The following LRRC28 variants were observed in gnomAD, a reference collection of about 807,000 sequenced individuals.
The protein encoded by LRRC28 is leucine-rich repeat-containing protein 28.
Under a neutral mutation model 45.7 loss-of-function variants are expected in LRRC28, and 39 were observed. That is an observed-to-expected ratio of 0.85 (90% CI 0.66 to 1.12). The LOEUF is 1.12. LRRC28 is among the 50% of genes most tolerant of loss of function. LRRC28 has a pLI of 0.00. For missense variants in LRRC28, 435 were observed against 438.5 expected (o/e 0.99, Z 0.07); for synonymous variants, 206 against 178.8 (o/e 1.15, Z -1.22).
At chr15:99,358,601 C>T (rs1287675824) in intron 7 of LRRC28, among the ~76,000 whole-genome samples, 2 of 151,956 alleles carry the variant, frequency 1.3e-5, no homozygotes, top group Non-Finnish European at 2.9e-5. Context: ...CTGAAACAGA[C>T]TAAAGACTCC....
At chr15:99,256,738 A>T (rs1027163464) in intron 2 of LRRC28, among the ~76,000 whole-genome samples, 1 of 152,240 alleles carries the variant, frequency 6.6e-6, no homozygotes, top group East Asian at 1.9e-4. Context: ...ATGTTCTAAG[A>T]ATAAGCACGT....
intron 9 of LRRC28, among the ~76,000 whole-genome samples, chr15:99,367,288 C>T (rs772258143): frequency 6.6e-6 from 1 of 152,178 alleles, no homozygotes; most frequent in Non-Finnish European, 1.5e-5. Context: ...TCTGCTATGA[C>T]AGAGTAATTG....
chr15:99,284,549 G>T, intron 3 of LRRC28: 1 of 458,126 alleles, frequency 2.2e-6, no homozygotes, highest in Non-Finnish European at 4.4e-6. Context: ...TCACAAAACT[G>T]TTGTAACCTG....
chr15:99,384,084 G>A (rs1957911735), intron 9 of LRRC28, among the ~76,000 whole-genome samples: 1 of 152,194 alleles, frequency 6.6e-6, no homozygotes, highest in African/African-American at 2.4e-5. Context: ...GCGTGTATGT[G>A]ATTTCCTCCA....
chr15:99,355,462 G>C (rs1374739970), intron 7 of LRRC28: 3 of 152,198 alleles, frequency 2.0e-5, no homozygotes, highest in Non-Finnish European at 4.4e-5. Flanking sequence ...TAGGAGCGAG[G>C]ACCATTGGGG....
intron 5 of LRRC28, among the ~76,000 whole-genome samples, chr15:99,332,509 C>G (rs952028844): frequency 6.6e-6 from 1 of 152,164 alleles, no homozygotes; most frequent in African/African-American, 2.4e-5. Context: ...AACAAAAAGT[C>G]TATAGCAAAG....
chr15:99,386,485 C>T lies in LRRC28; in HGVS notation c.*383C>T, dbSNP rs375534101. On this transcript the variant is annotated 3_prime_UTR_variant, in exon 10 of 10. Coordinates refer to ENST00000301981, the MANE Select transcript of LRRC28 (RefSeq NM_144598.5). ...AGTGATGCTTCCTCTCCTCTCCCCT[C>T]CCTTGCTTTCCCCAGAGAGTTATTT... 0.03 allele frequency: 4,536 copies of T among 152,682 alleles called. 82 individuals carry two copies. The highest frequency in any genetic ancestry group is 0.046 in the Non-Finnish European group (3,307 of 71,462). The allele number at this position is 152,682 out of a possible 1,614,324, so 9.5% of individuals were successfully genotyped here. A position where few individuals can be genotyped will look rare whatever the true frequency, so the allele number is the denominator to read the frequency against.
chr15:99,330,379 C>T (rs1335699477), intron 5 of LRRC28, among the ~76,000 whole-genome samples: 4 of 152,022 alleles, frequency 2.6e-5, no homozygotes, highest in African/African-American at 9.7e-5. Context: ...CTTTCCCTTC[C>T]AGTTCTGTCA....
chr15:99,269,104 G>C (rs948227971), intron 2 of LRRC28, among the ~76,000 whole-genome samples: 8 of 151,930 alleles, frequency 5.3e-5, no homozygotes, highest in African/African-American at 1.9e-4. Context: ...CATTCTGTAA[G>C]TTTTTGCTAA....
chr15:99,374,041 T>C (rs146285684), intron 9 of LRRC28, among the ~76,000 whole-genome samples: 205 of 152,262 alleles, frequency 1.3e-3, no homozygotes, highest in African/African-American at 4.0e-3. Context: ...GTGATACTTC[T>C]ACTTTGCTTT....
At chr15:99,345,495 C>G (rs1956651304) in intron 6 of LRRC28, among the ~76,000 whole-genome samples, 1 of 152,080 alleles carries the variant, frequency 6.6e-6, no homozygotes, top group Non-Finnish European at 1.5e-5. Context: ...TGTTTAGATG[C>G]TTTGCCCATA....
rs532086124 is a variant in LRRC28, at chr15:99,300,575, C to T, written c.385+12624C>T. ...GGCACCATGGCTCATGCCTGTAATC[C>T]CAGCACTTTGGGAGGCCGATGTGGG... On this transcript the variant is annotated intron_variant, in intron 5 of 9. Coordinates refer to ENST00000301981, the MANE Select transcript of LRRC28 (RefSeq NM_144598.5). Among the ~76,000 whole-genome samples the T allele has an allele frequency of 2.0e-5, 3 of 152,192 alleles. No homozygotes were observed. In the South Asian group the frequency reaches 6.2e-4, roughly 32 times the overall value.
At chr15:99,278,879 G>A (rs138282797) in intron 3 of LRRC28, among the ~76,000 whole-genome samples, 6 of 152,336 alleles carry the variant, frequency 3.9e-5, no homozygotes, top group African/African-American at 7.2e-5. Flanking sequence ...CTCTATTCAC[G>A]TGGTTGTTGT....
At chr15:99,307,234 A>AG (rs1454816058) in intron 5 of LRRC28, among the ~76,000 whole-genome samples, 1 of 152,174 alleles carries the variant, frequency 6.6e-6, no homozygotes, top group Admixed American at 6.5e-5. Flanking sequence ...AGAACGATAC[A>AG]GGGTGCAGGG....
intron 5 of LRRC28, among the ~76,000 whole-genome samples, chr15:99,294,920 G>A (rs952822314): frequency 2.6e-5 from 4 of 152,172 alleles, no homozygotes; most frequent in African/African-American, 7.2e-5. Flanking sequence ...TGCAGGACTC[G>A]AGCTCTGTTT....
intron 9 of LRRC28, among the ~76,000 whole-genome samples, chr15:99,364,246 C>T (rs1957283644): frequency 6.6e-6 from 1 of 152,112 alleles, no homozygotes; most frequent in African/African-American, 2.4e-5. Flanking sequence ...CAACAGCCTG[C>T]GTGGCAGGGC....
At chr15:99,296,841 A>G (rs942358681) in intron 5 of LRRC28, among the ~76,000 whole-genome samples, 13 of 152,218 alleles carry the variant, frequency 8.5e-5, no homozygotes, top group African/African-American at 3.1e-4. Context: ...TAGTACTTGC[A>G]AAGAAGGGAT....
At chr15:99,321,792 A>G (rs1052449612) in intron 5 of LRRC28, among the ~76,000 whole-genome samples, 2 of 152,214 alleles carry the variant, frequency 1.3e-5, no homozygotes, top group African/African-American at 4.8e-5. Context: ...TGCTAGGAAT[A>G]TGGGGAATAT....
chr15:99,319,659 G>GTTT (rs772501941), intron 5 of LRRC28, among the ~76,000 whole-genome samples: 18 of 148,204 alleles, frequency 1.2e-4, no homozygotes, highest in Middle Eastern at 3.5e-3. Flanking sequence ...AAACAGTGTG[G>GTTT]TTTTTTTTTT....
Sources: allele counts gnomAD v4.1 joint callset (sites outside exome capture counted in the v4.1 genomes callset), GRCh38; gene constraint gnomAD v4.1.1; transcripts MANE v1.5; gene names NCBI Gene and HGNC (gene_info 2026-07-23, HGNC 2026-07-21).